Variants in DOCK5 observed in about 807,000 individuals in gnomAD.
The protein encoded by DOCK5 is dedicator of cytokinesis 5, also known as dedicator of cytokinesis protein 5.
A neutral mutation model predicts 251.8 loss-of-function variants in DOCK5; 142 were observed. That is an observed-to-expected ratio of 0.56 (90% CI 0.49 to 0.65). DOCK5 has a LOEUF of 0.65. Among genes scored for constraint, DOCK5 ranks in the 30% least tolerant of loss-of-function variants. The pLI, the probability that DOCK5 is intolerant of heterozygous loss-of-function variation, is 0.00. For missense variants in DOCK5, 2,111 were observed against 2,312.3 expected, an observed-to-expected ratio of 0.91 and a Z score of 1.79; for synonymous variants, 842 against 835.5, an observed-to-expected ratio of 1.01 and a Z score of -0.13.
rs145830809 is a variant in DOCK5, at chr8:25,249,186, A to T, written c.127+5429A>T. On this transcript the variant is annotated intron_variant, in intron 2 of 51. Coordinates refer to ENST00000276440, the MANE Select transcript of DOCK5 (RefSeq NM_024940.8). Reference sequence around the variant, plus strand: ...GCTAATGTTTTTAATTTTTTAGGAGAGGTGAAGCCTTGCTGTGTTGCCCTA... The same window carrying T: ...GCTAATGTTTTTAATTTTTTAGGAGTGGTGAAGCCTTGCTGTGTTGCCCTA... Among the ~76,000 whole-genome samples the T allele has an allele frequency of 5.3e-3, 812 of 151,904 alleles. 5 individuals are homozygous for T. Among genetic ancestry groups the T allele is most frequent in the Admixed American group, 0.014 (207 of 15,234 alleles).
At chr8:25,285,789 A>G (rs1017781121) in intron 5 of DOCK5, among the ~76,000 whole-genome samples, 1 of 152,174 alleles carries the variant, frequency 6.6e-6, no homozygotes, top group African/African-American at 2.4e-5. Flanking sequence ...AAGAACAGAA[A>G]ATTCCCATAG....
intron 35 of DOCK5, among the ~76,000 whole-genome samples, chr8:25,373,157 G>A (rs1427780174): frequency 6.6e-6 from 1 of 151,954 alleles, no homozygotes; most frequent in Non-Finnish European, 1.5e-5. Context: ...GCGCCACCAT[G>A]CCCAGCTAAT....
chr8:25,407,915 T>G (rs1801551204), intron 48 of DOCK5, 68 bp from the exon 49 acceptor site: 1 of 1,473,518 alleles, frequency 6.8e-7, no homozygotes, highest in African/African-American at 1.4e-5. Context: ...CTGCTGGTAC[T>G]TTCATAGTGA....
intron 40 of DOCK5, among the ~76,000 whole-genome samples, chr8:25,386,223 C>G (rs1162402226): frequency 6.6e-6 from 1 of 152,104 alleles, no homozygotes; most frequent in Admixed American, 6.5e-5. Context: ...TGGTGAGTTA[C>G]TTGTATGGAG....
At chr8:25,274,226 A>G (rs1011350633) in intron 3 of DOCK5, among the ~76,000 whole-genome samples, 8 of 152,174 alleles carry the variant, frequency 5.3e-5, no homozygotes, top group African/African-American at 1.9e-4. Context: ...GTGGGTATAT[A>G]TGCCTCCGGG....
At position 25,332,294 on chromosome 8, in the gene DOCK5, C is replaced by T. The variant is rs1173283047; in HGVS notation, c.1947C>T (p.Asn649=). The T allele has an allele frequency of 1.9e-6, 3 of 1,613,502 alleles. No individual in the cohort carries two copies. The highest frequency in any genetic ancestry group is 2.2e-5 in the East Asian group (1 of 44,798). Residue 649 remains asparagine, a synonymous_variant, in exon 19 of 52, where the codon AAC becomes AAT. Coordinates refer to ENST00000276440, the MANE Select transcript of DOCK5 (RefSeq NM_024940.8). ...GLLNWRSNSQ[N]IKHNLKKLME... is the part of the protein sequence containing the mutation. ...TAAATTGGCGTTCCAACTCCCAGAACATTAAACACAACCTAAAGAAGTTAA... is the reference window on the plus strand; with the variant it reads ...TAAATTGGCGTTCCAACTCCCAGAATATTAAACACAACCTAAAGAAGTTAA...
At chr8:25,238,352 A>G (rs1281218707) in intron 1 of DOCK5, among the ~76,000 whole-genome samples, 1 of 152,220 alleles carries the variant, frequency 6.6e-6, no homozygotes, top group African/African-American at 2.4e-5. Context: ...CATCCACTGT[A>G]TACAATTACT....
intron 1 of DOCK5, among the ~76,000 whole-genome samples, chr8:25,202,657 G>C (rs1404339317): frequency 6.6e-6 from 1 of 151,996 alleles, no homozygotes; most frequent in Non-Finnish European, 1.5e-5. Flanking sequence ...TTGAAACCAC[G>C]GATAGTACCC....
intron 2 of DOCK5, among the ~76,000 whole-genome samples, chr8:25,264,550 G>A (rs1803685378): frequency 6.6e-6 from 1 of 151,778 alleles, no homozygotes; most frequent in Non-Finnish European, 1.5e-5. Context: ...AGGCAGCCAG[G>A]CACAGTGGCT....
chr8:25,263,741 G>A (rs1803657559), intron 2 of DOCK5, among the ~76,000 whole-genome samples: 1 of 151,556 alleles, frequency 6.6e-6, no homozygotes, highest in African/African-American at 2.4e-5. Flanking sequence ...GCCCACCTCG[G>A]TCCCCCTGGG....
At chr8:25,380,189 C>T (rs374610613) in intron 38 of DOCK5, 116 bp from the exon 39 acceptor site, 13 of 831,024 alleles carry the variant, frequency 1.6e-5, no homozygotes, top group Middle Eastern at 5.5e-4. Flanking sequence ...GAATATCTAC[C>T]GAAACTCAAT....
At chr8:25,359,138 C>A in intron 28 of DOCK5, 77 bp downstream of exon 28, 2 of 1,307,114 alleles carry the variant, frequency 1.5e-6, no homozygotes, top group Non-Finnish European at 2.2e-6. Flanking sequence ...AGCTGAGCAT[C>A]GTGAGTCCAG....
chr8:25,350,571 T>C (rs1413291072), intron 26 of DOCK5, among the ~76,000 whole-genome samples: 2 of 152,200 alleles, frequency 1.3e-5, no homozygotes, highest in African/African-American at 2.4e-5. Flanking sequence ...GTCTGCTCAG[T>C]CAGTCTTCTA....
At chr8:25,287,760 C>T (rs1000881549) in intron 5 of DOCK5, among the ~76,000 whole-genome samples, 22 of 151,920 alleles carry the variant, frequency 1.4e-4, no homozygotes, top group African/African-American at 4.3e-4. Flanking sequence ...TGAGTGATGA[C>T]GAGAGATAAC....
chr8:25,286,837 A>G (rs1804347685), intron 5 of DOCK5, among the ~76,000 whole-genome samples: 1 of 151,758 alleles, frequency 6.6e-6, no homozygotes, highest in Non-Finnish European at 1.5e-5. Context: ...CTAATTTTTT[A>G]TTTTTTGTAG....
intron 16 of DOCK5, 71 bp from the exon 17 acceptor site, chr8:25,323,777 G>A: frequency 6.5e-7 from 1 of 1,533,832 alleles, no homozygotes; most frequent in East Asian, 2.4e-5. Flanking sequence ...AGCAAAATGT[G>A]AAATCGTGTC....
intron 12 of DOCK5, 123 bp downstream of exon 12, chr8:25,309,048 A>G (rs2666167): frequency 0.92 from 1,200,539 of 1,301,422 alleles, 554,131 homozygotes; most frequent in Middle Eastern, 0.95. Context: ...GCTGGGGACC[A>G]TCCCCCTCAG....
At chr8:25,226,340 G>A (rs886404392) in intron 1 of DOCK5, among the ~76,000 whole-genome samples, 15 of 134,874 alleles carry the variant, frequency 1.1e-4, no homozygotes, top group Non-Finnish European at 1.5e-4. Context: ...TTGGCTCACT[G>A]CAACCTCCAT....
chr8:25,295,964 C>T (rs1252895643), intron 6 of DOCK5, among the ~76,000 whole-genome samples: 1 of 152,172 alleles, frequency 6.6e-6, no homozygotes, highest in East Asian at 1.9e-4. Flanking sequence ...AGACTACAGG[C>T]GTGTGCTACT....
Sources: gnomAD v4.1 joint callset for allele counts (sites outside exome capture counted in the v4.1 genomes callset) on GRCh38, gnomAD v4.1.1 for gene constraint, MANE v1.5 for transcripts, NCBI Gene and HGNC (gene_info 2026-07-23, HGNC 2026-07-21) for gene names.